Variants in EIF4E3 observed in about 807,000 individuals in gnomAD.
The protein encoded by EIF4E3 is eukaryotic translation initiation factor 4E type 3.
In EIF4E3, 26 loss-of-function variants were observed where a neutral mutation model predicts 31.7. That is an observed-to-expected ratio of 0.82 (90% CI 0.60 to 1.14). The LOEUF (loss-of-function observed/expected upper bound fraction) is 1.14. Among genes scored for constraint, EIF4E3 ranks in the 50% most tolerant of loss-of-function variants. EIF4E3 has a pLI of 0.00. For missense variants in EIF4E3, 304 were observed against 270.9 expected (o/e 1.12, Z -0.86); for synonymous variants, 128 against 107.7 (o/e 1.19, Z -1.17).
intron 1 of EIF4E3, among the ~76,000 whole-genome samples, chr3:71,712,644 G>GGGGGGGGGGGGGAGC (rs35405190): frequency 8.1e-6 from 1 of 123,988 alleles, no homozygotes. Flanking sequence ...GTGGGCGGGG[G>GGGGGGGGGGGGGAGC]AGATTCTAGG....
rs376929795 is a variant in EIF4E3 at position 71,696,424 on chromosome 3, C to T, written c.405+36G>A. The T allele has an allele frequency of 5.6e-6, 9 of 1,612,624 alleles. No individual in the cohort carries two copies. The African/African-American group carries it at 1.2e-4, about 22-fold the overall frequency. On this transcript the variant is annotated intron_variant, in intron 4 of 6. Transcript: ENST00000425534. ...TGACAGGCAGTCAACAACTCCAAGC[C>T]TCGCCGGTTCTAGAAGAGGATCAGT...
At chr3:71,741,661 C>A (rs1449316142) in intron 1 of EIF4E3, among the ~76,000 whole-genome samples, 2 of 152,186 alleles carry the variant, frequency 1.3e-5, no homozygotes, top group Non-Finnish European at 2.9e-5. Context: ...ACACTATCAA[C>A]CATCTTGACC....
downstream of EIF4E3, among the ~76,000 whole-genome samples, chr3:71,674,907 C>T (rs1368045088): frequency 6.6e-6 from 1 of 152,152 alleles, no homozygotes; most frequent in Non-Finnish European, 1.5e-5. Flanking sequence ...AAGGCACAAG[C>T]GAATAGAATT....
chr3:71,671,218 G>A (rs2048845700), downstream of EIF4E3, among the ~76,000 whole-genome samples: 1 of 152,138 alleles, frequency 6.6e-6, no homozygotes, highest in African/African-American at 2.4e-5. Context: ...CTCTGTTGCA[G>A]GAAAGGAAGC....
intron 2 of EIF4E3, among the ~76,000 whole-genome samples, chr3:71,709,767 T>C (rs993657248): frequency 2.6e-5 from 4 of 152,212 alleles, no homozygotes; most frequent in African/African-American, 9.6e-5. Context: ...CCTGCATTCA[T>C]TGAGAATCTG....
intron 1 of EIF4E3, among the ~76,000 whole-genome samples, chr3:71,751,235 A>G (rs1463373938): frequency 1.3e-5 from 2 of 152,112 alleles, no homozygotes; most frequent in African/African-American, 4.8e-5. Flanking sequence ...CTGTTTCAAA[A>G]TAAATAAAGT....
rs938030776 is a variant in EIF4E3, at chr3:71,682,565, G to C, written c.*2117C>G. 1.3e-5 allele frequency: 2 copies of C among 152,330 alleles called. No individual in the cohort carries two copies. The highest frequency in any genetic ancestry group is 1.3e-4 in the Admixed American group (2 of 15,278). 9.4% of individuals were successfully genotyped at this position (152,330 alleles called of 1,614,324 possible). A position where few individuals can be genotyped will look rare whatever the true frequency, so the allele number is the denominator to read the frequency against. On this transcript the variant is annotated 3_prime_UTR_variant, in exon 7 of 7. Transcript: ENST00000425534. ...AAATCTGACAAAATCCTCTCTGAAA[G>C]TAATTTAGATGATAGGTTTTTAACA...
intron 1 of EIF4E3, among the ~76,000 whole-genome samples, chr3:71,730,993 G>A (rs1219899302): frequency 6.6e-6 from 1 of 152,082 alleles, no homozygotes; most frequent in African/African-American, 2.4e-5. Flanking sequence ...CAAAATGCTG[G>A]AATTACAGAC....
the EIF4E3 span, among the ~76,000 whole-genome samples, chr3:71,665,800 GAAA>G: frequency 6.6e-6 from 1 of 152,152 alleles, no homozygotes; most frequent in Non-Finnish European, 1.5e-5. Flanking sequence ...GAAACTCACT[GAAA>G]ACCACACAAC....
intron 4 of EIF4E3, among the ~76,000 whole-genome samples, chr3:71,695,962 G>A (rs150020143): frequency 1.5e-3 from 234 of 152,238 alleles, no homozygotes; most frequent in African/African-American, 4.5e-3. Flanking sequence ...GGTTCTCATC[G>A]GCCCCAGAGG....
At chr3:71,687,503 C>A (rs776840081) in intron 6 of EIF4E3, among the ~76,000 whole-genome samples, 3 of 152,072 alleles carry the variant, frequency 2.0e-5, no homozygotes, top group Non-Finnish European at 4.4e-5. Context: ...CTCAGCTATA[C>A]CTATACAGAA....
upstream of EIF4E3, among the ~76,000 whole-genome samples, chr3:71,725,704 G>GCCC (rs2049629456): frequency 2.6e-5 from 4 of 152,056 alleles, no homozygotes; most frequent in African/African-American, 9.6e-5. This position sits in a 1 kb window ranked among gnomAD's most constrained non-coding sequence, Gnocchi z 6.1. Flanking sequence ...GGGTGAGAGG[G>GCCC]ACCGGGGAAC....
upstream of EIF4E3, chr3:71,725,504 G>T: frequency 5.2e-6 from 2 of 383,144 alleles, no homozygotes; most frequent in African/African-American, 2.5e-5. This position sits in a 1 kb window ranked among gnomAD's most constrained non-coding sequence, Gnocchi z 6.1. Context: ...CCCGCCGCCC[G>T]CCGCCCGCCG....
chr3:71,722,580 T>C (rs1181903563), intron 1 of EIF4E3, among the ~76,000 whole-genome samples: 1 of 152,230 alleles, frequency 6.6e-6, no homozygotes, highest in Non-Finnish European at 1.5e-5. Context: ...AATCTAAAAT[T>C]ACCTTCCTCA....
intron 5 of EIF4E3, among the ~76,000 whole-genome samples, chr3:71,692,054 T>C (rs2049070807): frequency 6.6e-6 from 1 of 152,198 alleles, no homozygotes; most frequent in South Asian, 2.1e-4. Flanking sequence ...TTGGTTTGGC[T>C]CTTGGTAACC....
intron 5 of EIF4E3, among the ~76,000 whole-genome samples, chr3:71,691,325 A>C (rs917503241): frequency 6.6e-6 from 1 of 152,232 alleles, no homozygotes; most frequent in African/African-American, 2.4e-5. Flanking sequence ...TATAATTTAA[A>C]TAAAAACATA....
chr3:71,687,894 AC>A (rs1488559316), intron 6 of EIF4E3, among the ~76,000 whole-genome samples: 1 of 152,330 alleles, frequency 6.6e-6, no homozygotes, highest in East Asian at 1.9e-4. Flanking sequence ...AACTTAGCTT[AC>A]CCTGCTGTGA....
At chr3:71,686,850 T>C (rs2048999104) in intron 6 of EIF4E3, among the ~76,000 whole-genome samples, 2 of 152,162 alleles carry the variant, frequency 1.3e-5, no homozygotes, top group South Asian at 4.1e-4. Flanking sequence ...GAGTGCCTAG[T>C]GAACAGGTGT....
At chr3:71,731,533 C>G (rs1366418675) in intron 1 of EIF4E3, among the ~76,000 whole-genome samples, 1 of 152,212 alleles carries the variant, frequency 6.6e-6, no homozygotes, top group Non-Finnish European at 1.5e-5. Flanking sequence ...TGGGGAGGGC[C>G]AGGCCTCTCT....
Sources: allele counts gnomAD v4.1 joint callset (sites outside exome capture counted in the v4.1 genomes callset), GRCh38; gene constraint gnomAD v4.1.1; non-coding constraint Gnocchi (gnomAD v3.1); transcripts MANE v1.5; gene names NCBI Gene and HGNC (gene_info 2026-07-23, HGNC 2026-07-21).